GMDS: variants seen among roughly 807,000 people sequenced by gnomAD.
GMDS encodes GDP-mannose 4,6-dehydratase.
GMDS carries 20 observed loss-of-function variants against 49.9 expected under a neutral mutation model. The observed-to-expected ratio is 0.40, with a 90% CI of 0.28 to 0.58. The LOEUF (loss-of-function observed/expected upper bound fraction) is 0.58, where lower values mean the gene tolerates loss of function less well. Ranked by LOEUF, GMDS falls within the 20% of genes least tolerant of loss-of-function variation. The pLI, the probability that GMDS is intolerant of heterozygous loss-of-function variation, is 0.42. For missense variants in GMDS, 362 were observed against 481.4 expected, an observed-to-expected ratio of 0.75 and a Z score of 2.32; for synonymous variants, 177 against 178.6, an observed-to-expected ratio of 0.99 and a Z score of 0.07.
At chr6:1,856,269 C>G (rs547197316) in intron 7 of GMDS, among the ~76,000 whole-genome samples, 16 of 152,280 alleles carry the variant, frequency 1.1e-4, no homozygotes, top group African/African-American at 3.4e-4. Flanking sequence ...AATGAAAACT[C>G]TCTTTATAAT....
chr6:1,693,009 G>A (rs1167061666), intron 9 of GMDS, among the ~76,000 whole-genome samples: 3 of 152,104 alleles, frequency 2.0e-5, no homozygotes, highest in Admixed American at 6.5e-5. Flanking sequence ...CTTGAACTTC[G>A]TTTCTGGGAC....
At chr6:1,973,876 C>T (rs1228826821) in intron 4 of GMDS, among the ~76,000 whole-genome samples, 1 of 152,020 alleles carries the variant, frequency 6.6e-6, no homozygotes, top group Non-Finnish European at 1.5e-5. Flanking sequence ...GTGGTTACAA[C>T]AATGTAAGTC....
rs951413422 is a variant in GMDS at position 1,985,830 on chromosome 6, C to T, written c.346-24864G>A. Among the ~76,000 whole-genome samples, 4 of 152,212 alleles carry T rather than the reference C, an allele frequency of 2.6e-5. No homozygotes were observed. The East Asian group carries it at 7.7e-4, about 29-fold the overall frequency. On this transcript the variant is annotated intron_variant, in intron 4 of 10. Transcript: ENST00000380815. ...CAAGGAAGAGGCGGGCTACTAAAAC[C>T]GAGATCTTCAAGAACTGAAAGGTGG...
chr6:2,071,885 A>C (rs1772026664), intron 4 of GMDS, among the ~76,000 whole-genome samples: 1 of 152,214 alleles, frequency 6.6e-6, no homozygotes, highest in African/African-American at 2.4e-5. Context: ...GGAAGTTCAC[A>C]GCACATACCT....
At chr6:1,968,549 C>T (rs911071919) in intron 4 of GMDS, among the ~76,000 whole-genome samples, 2 of 152,142 alleles carry the variant, frequency 1.3e-5, no homozygotes, top group Non-Finnish European at 2.9e-5. Flanking sequence ...TCCAATTCCT[C>T]GCCTTGGTCC....
chr6:2,232,429 T>G (rs924461504), intron 1 of GMDS, among the ~76,000 whole-genome samples: 1 of 152,182 alleles, frequency 6.6e-6, no homozygotes, highest in Non-Finnish European at 1.5e-5. Flanking sequence ...TTATGGCCCA[T>G]GAAATTTACT....
chr6:1,654,850 CAAGAG>C (rs917513289), intron 9 of GMDS, among the ~76,000 whole-genome samples: 1 of 152,026 alleles, frequency 6.6e-6, no homozygotes, highest in African/African-American at 2.4e-5. Context: ...ATCATGAGGT[CAAGAG>C]ATTGAGACTA....
intron 9 of GMDS, among the ~76,000 whole-genome samples, chr6:1,624,892 G>A (rs1273720368): frequency 1.5e-5 from 2 of 129,234 alleles, no homozygotes; most frequent in Admixed American, 9.1e-5. Flanking sequence ...TATGAGAACT[G>A]TTTGGAATTG....
intron 4 of GMDS, among the ~76,000 whole-genome samples, chr6:2,055,827 T>C (rs1218399424): frequency 6.6e-6 from 1 of 152,132 alleles, no homozygotes; most frequent in Non-Finnish European, 1.5e-5. Flanking sequence ...CTCAAAATCA[T>C]GCCCCAAAAT....
chr6:2,094,850 T>C (rs1345451038), intron 4 of GMDS, among the ~76,000 whole-genome samples: 1 of 152,326 alleles, frequency 6.6e-6, no homozygotes, highest in East Asian at 1.9e-4. Flanking sequence ...CTGCACTATA[T>C]AAAAGATAAG....
intron 7 of GMDS, among the ~76,000 whole-genome samples, chr6:1,743,256 A>G (rs1767344593): frequency 6.6e-6 from 1 of 152,194 alleles, no homozygotes. Context: ...CAACTTCCAC[A>G]TCAAAATGGA....
At chr6:2,061,718 C>CAG (rs1771190005) in intron 4 of GMDS, among the ~76,000 whole-genome samples, 1 of 57,098 alleles carries the variant, frequency 1.8e-5, no homozygotes, top group Non-Finnish European at 3.1e-5. Context: ...GACTCTGTCT[C>CAG]AAAAAAAAAA....
chr6:1,918,921 A>G (rs903914096), intron 7 of GMDS, among the ~76,000 whole-genome samples: 1 of 152,244 alleles, frequency 6.6e-6, no homozygotes, highest in African/African-American at 2.4e-5. Context: ...CATTTTGCTG[A>G]TATCAAGTAA....
At chr6:1,627,786 AAG>A (rs1762887212) in intron 9 of GMDS, among the ~76,000 whole-genome samples, 1 of 152,238 alleles carries the variant, frequency 6.6e-6, no homozygotes, top group African/African-American at 2.4e-5. Context: ...TTCTTGAAAA[AAG>A]AGAAAATAAA....
At chr6:1,999,970 T>TTA (rs368304514) in intron 4 of GMDS, among the ~76,000 whole-genome samples, 253 of 11,162 alleles carry the variant, frequency 0.023, 28 homozygotes, top group African/African-American at 0.042. Context: ...TATATATATA[T>TTA]TATATATATA....
At chr6:1,936,494 G>T (rs777210906) in intron 6 of GMDS, among the ~76,000 whole-genome samples, 29 of 152,290 alleles carry the variant, frequency 1.9e-4, no homozygotes, top group Non-Finnish European at 4.0e-4. Context: ...GCTCAGACCA[G>T]CAAGTCATCA....
At chr6:1,937,641 G>C (rs1762615365) in intron 6 of GMDS, among the ~76,000 whole-genome samples, 1 of 152,208 alleles carries the variant, frequency 6.6e-6, no homozygotes. Context: ...CATATGAATA[G>C]TGCTTTCTCC....
intron 7 of GMDS, among the ~76,000 whole-genome samples, chr6:1,843,802 A>G (rs1197416250): frequency 1.3e-5 from 2 of 152,148 alleles, no homozygotes; most frequent in East Asian, 3.9e-4. Context: ...TGCGTGGAGT[A>G]TGTTGGTTAA....
In GMDS at chr6:2,245,480, G is replaced by C; in HGVS notation, c.-58C>G. On this transcript the variant is annotated 5_prime_UTR_variant, in exon 1 of 11. Coordinates refer to ENST00000380815, the MANE Select transcript of GMDS (RefSeq NM_001500.4). ...CGGAGCGCGGCAGAGGGCAGGCGCG[G>C]TGCCGGCAGGAACGCGGGGGTGTGC... 2.0e-6 allele frequency: 2 copies of C among 995,016 alleles called. No individual in the cohort carries two copies. The highest frequency in any genetic ancestry group is 2.7e-6 in the Non-Finnish European group (2 of 740,806). The allele number at this position is 995,016 out of a possible 1,614,324, so 61.6% of individuals were successfully genotyped here. A position where few individuals can be genotyped will look rare whatever the true frequency, so the allele number is the denominator to read the frequency against.
Sources: gnomAD v4.1 joint callset for allele counts (sites outside exome capture counted in the v4.1 genomes callset) on GRCh38, gnomAD v4.1.1 for gene constraint, MANE v1.5 for transcripts, NCBI Gene and HGNC (gene_info 2026-07-23, HGNC 2026-07-21) for gene names.